LDB2: variants seen among roughly 807,000 people sequenced by gnomAD.
LDB2 encodes LIM domain-binding protein 2.
Under a neutral mutation model 44.3 loss-of-function variants are expected in LDB2, and 12 were observed. The observed-to-expected ratio is 0.27, with a 90% CI of 0.17 to 0.44. The LOEUF is 0.44. Among genes scored for constraint, LDB2 ranks in the 20% least tolerant of loss-of-function variants. The pLI, the probability that LDB2 is intolerant of heterozygous loss-of-function variation, is 1.00. For missense variants in LDB2, 344 were observed against 473.5 expected (o/e 0.73, Z 2.54); for synonymous variants, 164 against 174.8 (o/e 0.94, Z 0.49).
chr4:16,512,182 C>A, intron 5 of LDB2, 78 bp from the exon 6 acceptor site: 1 of 1,284,688 alleles, frequency 7.8e-7, no homozygotes, highest in South Asian at 1.9e-5. Flanking sequence ...CAGCTGGAAT[C>A]AAGTAGACAG....
intron 1 of LDB2, among the ~76,000 whole-genome samples, chr4:16,795,774 G>GTCGC (rs1776618223): frequency 6.6e-6 from 1 of 152,154 alleles, no homozygotes; most frequent in Non-Finnish European, 1.5e-5. Flanking sequence ...TGTAGGACCA[G>GTCGC]TACATAATAG....
intron 2 of LDB2, among the ~76,000 whole-genome samples, chr4:16,636,833 T>C (rs907740570): frequency 4.6e-5 from 7 of 152,170 alleles, no homozygotes; most frequent in Non-Finnish European, 1.0e-4. Flanking sequence ...GCAGTTCAAA[T>C]AGGATTTGCA....
intron 5 of LDB2, among the ~76,000 whole-genome samples, chr4:16,573,503 A>C (rs538711477): frequency 2.6e-4 from 40 of 152,342 alleles, no homozygotes; most frequent in African/African-American, 8.4e-4. Context: ...CCGAACAGTT[A>C]TAGTAGTCTT....
intron 2 of LDB2, among the ~76,000 whole-genome samples, chr4:16,754,344 T>C (rs1005404267): frequency 6.6e-6 from 1 of 152,196 alleles, no homozygotes; most frequent in Non-Finnish European, 1.5e-5. Context: ...CATCAGGCTG[T>C]CCACATTGTT....
intron 1 of LDB2, among the ~76,000 whole-genome samples, chr4:16,848,271 T>C (rs975044946): frequency 2.0e-5 from 3 of 152,224 alleles, no homozygotes; most frequent in African/African-American, 7.2e-5. Context: ...GTAACATGGT[T>C]CTGTACACAG....
In LDB2 at chr4:16,502,699, G is replaced by A. The variant is rs1717839525; in HGVS notation, c.1066C>T (p.Pro356Ser). 1 of 1,613,832 alleles carries A rather than the reference G, an allele frequency of 6.2e-7. No individual in the cohort carries two copies. Among genetic ancestry groups the A allele is most frequent in the African/African-American group, 1.3e-5 (1 of 74,876 alleles). Residue 356 changes from proline (P) to serine (S), a missense_variant, in exon 8 of 8, where the codon CCT becomes TCT. Physicochemically the swap from Pro to Ser is moderately conservative, Grantham distance 74 (BLOSUM62 -1). This residue lies in a region of LDB2 where 32 missense variants were observed against 32.3 expected (regional missense o/e 0.99). Transcript: ENST00000304523. Reference protein sequence around the residue: ...LGNNSPWNSKPPATQETKSEN... With the variant: ...LGNNSPWNSKSPATQETKSEN... The stretch of plus-strand genomic sequence containing the variant: ...GATTTGGTCTCTTGAGTGGCGGGAG[G>A]TTTACTGTTCCACGGGCTGTTGTTC...
chr4:16,535,430 C>A (rs981572958), intron 5 of LDB2, among the ~76,000 whole-genome samples: 1 of 152,154 alleles, frequency 6.6e-6, no homozygotes, highest in South Asian at 2.1e-4. Context: ...ATTTATTCAT[C>A]CAACAAATAT....
chr4:16,812,631 A>ATGTGTGTGTGTGTGTGTG (rs5856389), intron 1 of LDB2, among the ~76,000 whole-genome samples: 9 of 126,024 alleles, frequency 7.1e-5, no homozygotes, highest in Non-Finnish European at 1.4e-4. Context: ...TATTAAATAT[A>ATGTGTGTGTGTGTGTGTG]TGTGTGTGTG....
At chr4:16,819,308 C>T (rs572107999) in intron 1 of LDB2, among the ~76,000 whole-genome samples, 2 of 151,896 alleles carry the variant, frequency 1.3e-5, no homozygotes, top group Non-Finnish European at 2.9e-5. Context: ...TCATTTCGAA[C>T]AAGACCCTGA....
chr4:16,745,752 C>T (rs1029875954), intron 2 of LDB2, among the ~76,000 whole-genome samples: 1 of 152,112 alleles, frequency 6.6e-6, no homozygotes, highest in African/African-American at 2.4e-5. Flanking sequence ...ACATTTGCCA[C>T]GAAGAACTAA....
At chr4:16,627,902 C>CA (rs1329816028) in intron 2 of LDB2, among the ~76,000 whole-genome samples, 1 of 152,186 alleles carries the variant, frequency 6.6e-6, no homozygotes, top group Admixed American at 6.5e-5. Context: ...CTGGCCTGAA[C>CA]ACCTGGCCAC....
At chr4:16,569,325 G>A (rs573017780) in intron 5 of LDB2, among the ~76,000 whole-genome samples, 1 of 152,300 alleles carries the variant, frequency 6.6e-6, no homozygotes, top group East Asian at 1.9e-4. Flanking sequence ...CGGAAAAGGG[G>A]TTGCTCCATC....
chr4:16,745,666 A>G (rs1764249163), intron 2 of LDB2, among the ~76,000 whole-genome samples: 1 of 152,204 alleles, frequency 6.6e-6, no homozygotes, highest in African/African-American at 2.4e-5. Context: ...TATAAATGTC[A>G]GCTTCATAGC....
chr4:16,822,896 AG>A (rs1276919557), intron 1 of LDB2, among the ~76,000 whole-genome samples: 1 of 152,218 alleles, frequency 6.6e-6, no homozygotes, highest in Non-Finnish European at 1.5e-5. Flanking sequence ...CATGTCTATT[AG>A]TATTCTTAAT....
intron 1 of LDB2, among the ~76,000 whole-genome samples, chr4:16,810,959 G>A (rs924493032): frequency 6.6e-6 from 1 of 152,192 alleles, no homozygotes; most frequent in Non-Finnish European, 1.5e-5. Context: ...ACAGACTGGT[G>A]GGGGGTGGTG....
intron 1 of LDB2, among the ~76,000 whole-genome samples, chr4:16,838,428 G>A (rs1272643621): frequency 2.0e-5 from 3 of 152,160 alleles, no homozygotes; most frequent in Non-Finnish European, 2.9e-5. Context: ...ATCTGGAAAG[G>A]CGACTTTTAA....
intron 2 of LDB2, among the ~76,000 whole-genome samples, chr4:16,672,308 A>C (rs1432413959): frequency 6.6e-6 from 1 of 152,164 alleles, no homozygotes; most frequent in Non-Finnish European, 1.5e-5. Flanking sequence ...AACTCTACTG[A>C]TTCCCAGAAT....
rs57168902 is a variant in LDB2 at position 16,763,073 on chromosome 4, C to CCACACACACACA, written c.133-3825_133-3814dup. ...GGGAGAATGGGCACATTAGGTAACA[C>CCACACACACACA]CACACACACACACACACACACACAC... On this transcript the variant is annotated intron_variant, in intron 1 of 7. Coordinates refer to ENST00000304523, the MANE Select transcript of LDB2 (RefSeq NM_001290.5). Among the ~76,000 whole-genome samples, 6 of 140,234 alleles carry CCACACACACACA rather than the reference C, an allele frequency of 4.3e-5. No individual in the cohort carries two copies. The East Asian group carries it at 6.5e-4, about 15-fold the overall frequency. 92.0% of individuals were successfully genotyped at this position (140,234 alleles called of 152,430 possible).
chr4:16,637,425 G>A (rs1306163496), intron 2 of LDB2, among the ~76,000 whole-genome samples: 1 of 145,800 alleles, frequency 6.9e-6, no homozygotes, highest in East Asian at 2.2e-4. Flanking sequence ...GATATGATGT[G>A]GCCACATAGT....
Sources: gnomAD v4.1 joint callset for allele counts (sites outside exome capture counted in the v4.1 genomes callset) on GRCh38, gnomAD v4.1.1 for gene constraint, gnomAD v4.1.1 regional missense constraint, MANE v1.5 for transcripts, NCBI Gene and HGNC (gene_info 2026-07-23, HGNC 2026-07-21) for gene names.